Variants in RFT1 observed in about 807,000 individuals in gnomAD.
The protein encoded by RFT1 is man(5)GlcNAc(2)-PP-dolichol translocation protein RFT1.
In RFT1, 43 loss-of-function variants were observed where a neutral mutation model predicts 62.2. The ratio of observed to expected loss-of-function variants is 0.69; its 90% CI spans 0.54 to 0.89. RFT1 has a LOEUF of 0.89. Ranked by LOEUF, RFT1 falls within the 40% of genes least tolerant of loss-of-function variation. The probability of loss-of-function intolerance (pLI) is 0.00; values close to 1 mark genes in which losing one functional copy is unlikely to be tolerated. For synonymous variants in RFT1, 262 were observed against 264.6 expected, an observed-to-expected ratio of 0.99 and a Z score of 0.10; for missense variants, 605 against 649.9, an observed-to-expected ratio of 0.93 and a Z score of 0.75.
chr3:53,109,262 G>A (rs1041528937), intron 7 of RFT1, among the ~76,000 whole-genome samples: 1 of 152,116 alleles, frequency 6.6e-6, no homozygotes, highest in Non-Finnish European at 1.5e-5. Flanking sequence ...TAGACTCCCT[G>A]AGGGCAGGAG....
chr3:53,082,336 G>A, the RFT1 span, among the ~76,000 whole-genome samples: 1 of 151,904 alleles, frequency 6.6e-6, no homozygotes, highest in Non-Finnish European at 1.5e-5. Flanking sequence ...TTAGTTGAGT[G>A]TGGTGGTGCA....
chr3:53,130,354 G>A lies in RFT1; in HGVS notation c.47C>T (p.Ser16Phe), dbSNP rs148716754. Residue 16 changes from serine to phenylalanine, a missense_variant, in exon 1 of 13, where the codon TCC becomes TTC. Transcript: ENST00000296292. ...VLGHAARLAS[S>F]GLLLQVLFRL... ...AGAGAGTACCTGCAGGAGGAGACCGGAGGAGGCCAGCCGGGCCGCGTGGCC... is the reference window on the plus strand; with the variant it reads ...AGAGAGTACCTGCAGGAGGAGACCGAAGGAGGCCAGCCGGGCCGCGTGGCC... 3 of 1,569,036 alleles carry A rather than the reference G, an allele frequency of 1.9e-6. No homozygotes were observed. Among genetic ancestry groups the A allele is most frequent in the Non-Finnish European group, 2.6e-6 (3 of 1,157,456 alleles).
intron 1 of RFT1, among the ~76,000 whole-genome samples, chr3:53,128,385 T>C (rs777821537): frequency 6.6e-6 from 1 of 152,228 alleles, no homozygotes; most frequent in Non-Finnish European, 1.5e-5. Flanking sequence ...CCAGGCCATA[T>C]CCATGTCTCC....
At chr3:53,120,157 A>T in intron 5 of RFT1, 136 bp from the exon 6 acceptor site, 2 of 719,072 alleles carry the variant, frequency 2.8e-6, no homozygotes, top group Non-Finnish European at 2.2e-6. Context: ...ACCCTCTGGG[A>T]AATGGCACTA....
At chr3:53,094,250 A>G (rs1386376929) in intron 11 of RFT1, among the ~76,000 whole-genome samples, 10 of 152,126 alleles carry the variant, frequency 6.6e-5, no homozygotes, top group Non-Finnish European at 1.3e-4. Context: ...AAGCCACTGC[A>G]TCCCCCAAAT....
intron 7 of RFT1, among the ~76,000 whole-genome samples, chr3:53,109,489 AC>A (rs546131703): frequency 7.6e-4 from 115 of 152,316 alleles, no homozygotes; most frequent in South Asian, 4.6e-3. Context: ...GGCAGAAGTA[AC>A]AGCACATACA....
chr3:53,104,027 A>G lies in RFT1; in HGVS notation c.1028T>C (p.Ile343Thr). 6.2e-7 allele frequency: 1 copy of G among 1,614,236 alleles called. No homozygotes were observed. Among genetic ancestry groups the G allele is most frequent in the Non-Finnish European group, 8.5e-7 (1 of 1,180,038 alleles). Residue 343 changes from isoleucine to threonine, a missense_variant, in exon 10 of 13, where the codon ATC becomes ACC. Physicochemically the swap from Ile to Thr is moderately conservative, Grantham distance 89. Transcript: ENST00000296292. ...LKLALLAGLT[I>T]TVFGFAYSQL... ...AGAATAGGCAAAGCCAAAAACAGTG[A>G]TGGTCAGGCCGGCCAGCAGGGCCAG...
intron 11 of RFT1, among the ~76,000 whole-genome samples, chr3:53,094,648 A>G (rs944144857): frequency 2.6e-5 from 4 of 152,116 alleles, no homozygotes; most frequent in African/African-American, 9.7e-5. Context: ...CCTGTTTTTC[A>G]GAAACTATCT....
the RFT1 span, among the ~76,000 whole-genome samples, chr3:53,068,996 A>G: frequency 5.3e-5 from 8 of 152,096 alleles, no homozygotes; most frequent in Non-Finnish European, 8.8e-5. Flanking sequence ...CTGGAGTGCA[A>G]TGGCACAATC....
At chr3:53,125,114 A>C (rs772377386) in intron 2 of RFT1, among the ~76,000 whole-genome samples, 2 of 152,256 alleles carry the variant, frequency 1.3e-5, no homozygotes, top group Non-Finnish European at 2.9e-5. Context: ...TGTAGTGCAA[A>C]ACTCCACAGA....
intron 5 of RFT1, 103 bp from the exon 6 acceptor site, chr3:53,120,124 CACTT>C: frequency 4.0e-6 from 2 of 501,498 alleles, no homozygotes; most frequent in Non-Finnish European, 6.1e-6. Flanking sequence ...TGATTAACTG[CACTT>C]TCTATTCAGC....
chr3:53,109,466 C>T (rs1701586153), intron 7 of RFT1, among the ~76,000 whole-genome samples: 1 of 152,142 alleles, frequency 6.6e-6, no homozygotes, highest in African/African-American at 2.4e-5. Flanking sequence ...GCATAGTGTT[C>T]AGGAAATGTG....
In RFT1 at chr3:53,121,652, T is replaced by C. The variant is rs574138724; in HGVS notation, c.558+47A>G. The C allele has an allele frequency of 5.5e-6, 8 of 1,443,786 alleles. No homozygotes were observed. In the East Asian group the frequency reaches 1.7e-4, roughly 30 times the overall value. The allele number at this position is 1,443,786 out of a possible 1,614,324, so 89.4% of individuals were successfully genotyped here. A position where few individuals can be genotyped will look rare whatever the true frequency, so the allele number is the denominator to read the frequency against. ...CGGTGGGAACAAGAAGAAAAACCAG[T>C]TGGAGAAACAAAGATCATATAAAAA... is the stretch of plus-strand genomic sequence containing the variant. On this transcript the variant is annotated intron_variant, in intron 5 of 12. Transcript: ENST00000296292.
At position 53,130,430 on chromosome 3, in the gene RFT1, A is replaced by T; in HGVS notation, c.-30T>A. The T allele has an allele frequency of 6.5e-7, 1 of 1,549,962 alleles. No homozygotes were observed. The highest frequency in any genetic ancestry group is 1.2e-5 in the South Asian group (1 of 84,052). ...TCCGCGCCAGGCTCAGACACCAGGA[A>T]ATGCCGCCGCCACTCCGTTTAGTCG... On this transcript the variant is annotated 5_prime_UTR_variant, in exon 1 of 13. Coordinates refer to ENST00000296292, the MANE Select transcript of RFT1 (RefSeq NM_052859.4).
chr3:53,083,356 T>TAAA, the RFT1 span, among the ~76,000 whole-genome samples: 74 of 138,064 alleles, frequency 5.4e-4, no homozygotes, highest in African/African-American at 2.0e-3. Flanking sequence ...TACTAAAAAT[T>TAAA]AAAAAAAAAA....
intron 11 of RFT1, 23 bp downstream of exon 11, chr3:53,099,358 G>A: frequency 6.3e-7 from 1 of 1,577,306 alleles, no homozygotes; most frequent in Non-Finnish European, 8.7e-7. Flanking sequence ...CATGATTAAA[G>A]GTGTACCTGC....
the RFT1 span, among the ~76,000 whole-genome samples, chr3:53,067,271 C>G: frequency 2.6e-5 from 4 of 152,174 alleles, no homozygotes; most frequent in Non-Finnish European, 5.9e-5. Flanking sequence ...ATCACTTGAG[C>G]CTGGGAGTTG....
chr3:53,129,816 C>A (rs1373025737), intron 1 of RFT1, among the ~76,000 whole-genome samples: 1 of 152,142 alleles, frequency 6.6e-6, no homozygotes, highest in Non-Finnish European at 1.5e-5. Context: ...CTAAGTACGA[C>A]ATATTATTAC....
intron 1 of RFT1, among the ~76,000 whole-genome samples, chr3:53,126,675 G>T (rs1702119695): frequency 6.6e-6 from 1 of 152,172 alleles, no homozygotes; most frequent in Non-Finnish European, 1.5e-5. Flanking sequence ...ATTGCCGCTT[G>T]AAAGGGACAT....
Sources: gnomAD v4.1 joint callset for allele counts (sites outside exome capture counted in the v4.1 genomes callset) on GRCh38, gnomAD v4.1.1 for gene constraint, MANE v1.5 for transcripts, NCBI Gene and HGNC (gene_info 2026-07-23, HGNC 2026-07-21) for gene names.